The following PLA2G4F variants were observed in gnomAD, a reference collection of about 807,000 sequenced individuals.
The protein encoded by PLA2G4F is cytosolic phospholipase A2 zeta.
PLA2G4F carries 105 observed loss-of-function variants against 103.1 expected under a neutral mutation model. The ratio of observed to expected loss-of-function variants is 1.02; its 90% CI spans 0.87 to 1.20. PLA2G4F has a LOEUF of 1.20. Ranked by LOEUF, PLA2G4F falls within the 50% of genes most tolerant of loss-of-function variation. PLA2G4F has a pLI of 0.00. For synonymous variants in PLA2G4F, 468 were observed against 441.1 expected, an observed-to-expected ratio of 1.06 and a Z score of -0.76; for missense variants, 1,155 against 1,075.9, an observed-to-expected ratio of 1.07 and a Z score of -1.03.
rs80108792 is a variant in PLA2G4F, at chr15:42,146,182, G to A, written c.1479C>T (p.Tyr493=). 1.9e-3 allele frequency: 3,050 copies of A among 1,614,256 alleles called. 52 individuals are homozygous for A. The African/African-American group carries it at 0.036, about 19-fold the overall frequency. Residue 493 remains tyrosine, a synonymous_variant, in exon 14 of 20, where the codon TAC becomes TAT. Coordinates refer to ENST00000397272, the MANE Select transcript of PLA2G4F (RefSeq NM_213600.4). ...GGACGTTGACACTGGTGTAAATGGG[G>A]TAAGGGTTCTGACCCTGGCGGACCG... is the stretch of plus-strand genomic sequence containing the variant. ...QEAVRQGQNP[Y]PIYTSVNVRT...
chr15:42,142,495 G>A, intron 19 of PLA2G4F, 33 bp downstream of exon 19: 1 of 1,583,864 alleles, frequency 6.3e-7, no homozygotes, highest in Non-Finnish European at 8.6e-7. Flanking sequence ...CCAGGGCTCT[G>A]TGGGTCAGTC....
Position 42,156,438 on chromosome 15 carries a change from C to T in PLA2G4F, c.111+1G>A, listed in dbSNP as rs1459017834. The T allele has an allele frequency of 6.4e-7, 1 of 1,556,044 alleles. No homozygotes were observed. Among genetic ancestry groups the T allele is most frequent in the East Asian group, 2.4e-5 (1 of 41,652 alleles). ...TTCCCAGGTAATCTCAGGTACGTTA[C>T]CCGCCAGTGCCTCCACAGAGGGCCC... On this transcript the variant is annotated splice_donor_variant, in intron 1 of 19. Transcript: ENST00000397272. LOFTEE classifies it high-confidence loss of function.
chr15:42,152,549 G>T, intron 7 of PLA2G4F, 139 bp downstream of exon 7: 1 of 919,986 alleles, frequency 1.1e-6, no homozygotes, highest in Non-Finnish European at 1.7e-6. Flanking sequence ...TGCCTCCAGT[G>T]AACAATCCAT....
chr15:42,142,184 C>T lies in PLA2G4F; in HGVS notation c.2350G>A (p.Glu784Lys), dbSNP rs1180458014. 2 of 1,613,102 alleles carry T rather than the reference C, an allele frequency of 1.2e-6. No homozygotes were observed. Among genetic ancestry groups the T allele is most frequent in the Admixed American group, 1.7e-5 (1 of 59,980 alleles). ...LAPGVERQTAEEKAFGDFVIN... is the reference protein window; with the variant it reads ...LAPGVERQTAKEKAFGDFVIN... ...ACAAAGTCCCCAAAGGCCTTCTCCT[C>T]AGCTGTTTGTCGCTCCACACCTGTG... The change falls in exon 20 of 20, where the codon GAG (glutamate) becomes AAG (lysine). Residue 784 changes from glutamate (E) to lysine (K), a missense_variant. Around this residue, in one of 3 missense-constraint regions of PLA2G4F, gnomAD observed 782 missense variants for 692.9 expected, o/e 1.13. Coordinates refer to ENST00000397272, the MANE Select transcript of PLA2G4F (RefSeq NM_213600.4).
At chr15:42,142,437 T>C in intron 19 of PLA2G4F, 91 bp downstream of exon 19, 1 of 1,433,394 alleles carries the variant, frequency 7.0e-7, no homozygotes, top group Non-Finnish European at 9.5e-7. Context: ...GCGTGCTTAG[T>C]GACATTCTCC....
chr15:42,153,910 A>G (rs891334009), intron 4 of PLA2G4F, among the ~76,000 whole-genome samples, 182 bp downstream of exon 4: 3 of 152,238 alleles, frequency 2.0e-5, no homozygotes, highest in Admixed American at 1.3e-4. Context: ...CAAGGAGCTC[A>G]TATTTTGGTT....
chr15:42,142,016 G>C lies in PLA2G4F; in HGVS notation c.2518C>G (p.Arg840Gly), dbSNP rs777741127. ...CCTGCCCTCTCCCGAGCCTGGTGCC[G>C]GTCCAGAGCCAGCTGGAGGGCGCAC... ...LKCALQLALD[R>G]HQARERAGA The change falls in exon 20 of 20, where the codon CGG (arginine) becomes GGG (glycine). Residue 840 changes from arginine to glycine, a missense_variant. By Grantham distance (125) the Arg-to-Gly change is moderately radical. Around this residue, in one of 3 missense-constraint regions of PLA2G4F, gnomAD observed 782 missense variants for 692.9 expected, o/e 1.13. Transcript: ENST00000397272. 4 of 1,614,038 alleles carry C rather than the reference G, an allele frequency of 2.5e-6. No individual in the cohort carries two copies. Among genetic ancestry groups the C allele is most frequent in the Non-Finnish European group, 2.5e-6 (3 of 1,180,030 alleles).
intron 7 of PLA2G4F, 184 bp from the exon 8 acceptor site, chr15:42,150,961 C>T (rs561386814): frequency 1.0e-6 from 1 of 985,418 alleles, no homozygotes; most frequent in Non-Finnish European, 1.2e-6. Context: ...CTCTTGGGTC[C>T]TCTAGCCTGC....
rs140998313 is a variant in PLA2G4F, at chr15:42,144,542, G to A, written c.1883C>T (p.Ser628Phe). 1.2e-5 allele frequency: 19 copies of A among 1,612,952 alleles called. No individual in the cohort carries two copies. The African/African-American group carries it at 1.7e-4, about 15-fold the overall frequency. Residue 628 changes from serine (S) to phenylalanine (F), a missense_variant, in exon 17 of 20, where the codon TCC (serine) becomes TTC (phenylalanine). Coordinates refer to ENST00000397272, the MANE Select transcript of PLA2G4F (RefSeq NM_213600.4). ...FSQAVLDIFT[S>F]RFTSAQSFNF... ...AAAGCTCTGGGCGGAAGTGAAGCGG[G>A]AGGTGAATATGTCCAGCACAGCCTG...
rs775997219 is a variant in PLA2G4F, at chr15:42,146,086, CACCTCCTCT to C, written c.1534+32_1534+40del. On this transcript the variant is annotated intron_variant, in intron 14 of 19. Coordinates refer to ENST00000397272, the MANE Select transcript of PLA2G4F (RefSeq NM_213600.4). Reference sequence around the variant, plus strand: ...CCCTGGCCTCTCACCTCCTCCTCCCCACCTCCTCTACCTCCTTCCTTCGTCTCCACACCC... The same window carrying C: ...CCCTGGCCTCTCACCTCCTCCTCCCCACCTCCTTCCTTCGTCTCCACACCC... The C allele has an allele frequency of 2.5e-5, 40 of 1,606,632 alleles. No homozygotes were observed. The East Asian group carries it at 8.7e-4, about 35-fold the overall frequency.
chr15:42,145,474 C>G, intron 16 of PLA2G4F, 101 bp downstream of exon 16: 1 of 1,211,502 alleles, frequency 8.3e-7, no homozygotes, highest in South Asian at 1.3e-5. Flanking sequence ...TCCAGTGGGA[C>G]AGCCAAGTCC....
In PLA2G4F at chr15:42,140,855, G is replaced by A. The variant is rs569489016; in HGVS notation, c.*1129C>T. ...CTGCTGCAGGCTCCTAGGCAGCTCAGCACTGGAGGCATATGCTGCAGAGGC... is the reference window on the plus strand; with the variant it reads ...CTGCTGCAGGCTCCTAGGCAGCTCAACACTGGAGGCATATGCTGCAGAGGC... On this transcript the variant is annotated 3_prime_UTR_variant, in exon 20 of 20. Coordinates refer to ENST00000397272, the MANE Select transcript of PLA2G4F (RefSeq NM_213600.4). 1.8e-5 allele frequency: 4 copies of A among 223,580 alleles called. No individual in the cohort carries two copies. Among genetic ancestry groups the A allele is most frequent in the African/African-American group, 8.9e-5 (4 of 45,070 alleles). The allele number at this position is 223,580 out of a possible 1,614,324, so 13.8% of individuals were successfully genotyped here. A position where few individuals can be genotyped will look rare whatever the true frequency, so the allele number is the denominator to read the frequency against.
At position 42,144,432 on chromosome 15, in the gene PLA2G4F, A is replaced by T; in HGVS notation, c.1975+18T>A. Reference sequence around the variant, plus strand: ...CAGGAAGGGAAGCCCCCCATCTCCCACCCAAGGCAGCACCCACCTTTCCAG... The same window carrying T: ...CAGGAAGGGAAGCCCCCCATCTCCCTCCCAAGGCAGCACCCACCTTTCCAG... On this transcript the variant is annotated intron_variant, in intron 17 of 19. Coordinates refer to ENST00000397272, the MANE Select transcript of PLA2G4F (RefSeq NM_213600.4). 3 of 1,611,150 alleles carry T rather than the reference A, an allele frequency of 1.9e-6. No homozygotes were observed. Among genetic ancestry groups the T allele is most frequent in the Non-Finnish European group, 2.5e-6 (3 of 1,179,348 alleles).
At position 42,144,037 on chromosome 15, in the gene PLA2G4F, G is replaced by A. The variant is rs145946616; in HGVS notation, c.2083C>T (p.Pro695Ser). 27 of 1,614,014 alleles carry A rather than the reference G, an allele frequency of 1.7e-5. No homozygotes were observed. In the South Asian group the frequency reaches 2.3e-4, roughly 14 times the overall value. ...INSPFPLALL[P>S]QRAVDLILSF... Reference sequence around the variant, plus strand: ...AGAATGAGGTCCACTGCTCTCTGAGGCAGCAGAGCCAGTGGGAACGGAGAG... The same window carrying A: ...AGAATGAGGTCCACTGCTCTCTGAGACAGCAGAGCCAGTGGGAACGGAGAG... Residue 695 changes from proline (P) to serine (S), a missense_variant, in exon 18 of 20, where the codon CCT becomes TCT. Physicochemically the swap from Pro to Ser is moderately conservative, Grantham distance 74 (BLOSUM62 -1). Coordinates refer to ENST00000397272, the MANE Select transcript of PLA2G4F (RefSeq NM_213600.4).
At position 42,147,177 on chromosome 15, in the gene PLA2G4F, C is replaced by T. The variant is rs773748065; in HGVS notation, c.1366G>A (p.Val456Met). The change falls in exon 13 of 20, where the codon GTG becomes ATG. Residue 456 changes from valine to methionine, a missense_variant. Val to Met is a conservative substitution (Grantham distance 21, BLOSUM62 1). Transcript: ENST00000397272. ...LGVRERSGHS[V>M]SLIDLWGLLV... is the part of the protein sequence containing the mutation. ...AGGCCCCAGAGGTCGATGAGGGACA[C>T]GCTGTGGCCACTGCGCTCCCGGACC... 120 of 1,612,892 alleles carry T rather than the reference C, an allele frequency of 7.4e-5. No individual in the cohort carries two copies. Among genetic ancestry groups the T allele is most frequent in the Middle Eastern group, 5.0e-4 (3 of 5,966 alleles).
rs371896950 is a variant in PLA2G4F, at chr15:42,144,560, A to G, written c.1865T>C (p.Val622Ala). Residue 622 changes from valine to alanine, a missense_variant, in exon 17 of 20, where the codon GTG becomes GCG. Around this residue, in one of 3 missense-constraint regions of PLA2G4F, gnomAD observed 782 missense variants for 692.9 expected, o/e 1.13. Coordinates refer to ENST00000397272, the MANE Select transcript of PLA2G4F (RefSeq NM_213600.4). ...GAAGCGGGAGGTGAATATGTCCAGC[A>G]CAGCCTGGGAGAAGGGCCCCTGTGG... The part of the protein sequence containing the change: ...LTPQGPFSQA[V>A]LDIFTSRFTS... 1.9e-6 allele frequency: 3 copies of G among 1,613,262 alleles called. No homozygotes were observed. The highest frequency in any genetic ancestry group is 1.7e-6 in the Non-Finnish European group (2 of 1,179,990).
chr15:42,154,818 C>A (rs2048996585), intron 2 of PLA2G4F, among the ~76,000 whole-genome samples: 1 of 152,144 alleles, frequency 6.6e-6, no homozygotes, highest in Non-Finnish European at 1.5e-5. Flanking sequence ...GCGGGCCTCA[C>A]ACTGTCACCC....
At position 42,146,170 on chromosome 15, in the gene PLA2G4F, G is replaced by A; in HGVS notation, c.1491C>T (p.Thr497=). The A allele has an allele frequency of 1.2e-6, 2 of 1,614,250 alleles. No individual in the cohort carries two copies. Among genetic ancestry groups the A allele is most frequent in the Non-Finnish European group, 1.7e-6 (2 of 1,180,050 alleles). ...TCAAGTTGGTGCGGACGTTGACACT[G>A]GTGTAAATGGGGTAAGGGTTCTGAC... ...RQGQNPYPIY[T]SVNVRTNLSG... Residue 497 remains threonine, a synonymous_variant, in exon 14 of 20, where the codon ACC becomes ACT. Transcript: ENST00000397272.
chr15:42,148,556 G>A (rs781715260), intron 11 of PLA2G4F: 164 of 931,076 alleles, frequency 1.8e-4, no homozygotes, highest in Non-Finnish European at 2.0e-4. Flanking sequence ...CAATGAAATC[G>A]ATCTCTACAC....
Sources: allele counts gnomAD v4.1 joint callset (sites outside exome capture counted in the v4.1 genomes callset), GRCh38; gene constraint gnomAD v4.1.1; regional missense constraint gnomAD v4.1.1; transcripts MANE v1.5; gene names NCBI Gene and HGNC (gene_info 2026-07-23, HGNC 2026-07-21).